The following WDFY2 variants were observed in gnomAD, a reference collection of about 807,000 sequenced individuals.
WDFY2 encodes the protein WD repeat and FYVE domain-containing protein 2.
Under a neutral mutation model 56.4 loss-of-function variants are expected in WDFY2, and 36 were observed. That is an observed-to-expected ratio of 0.64 (90% confidence interval 0.49 to 0.84). The LOEUF (loss-of-function observed/expected upper bound fraction) is 0.84, where lower values mean the gene tolerates loss of function less well. Ranked by LOEUF, WDFY2 falls within the 40% of genes least tolerant of loss-of-function variation. The probability of loss-of-function intolerance (pLI) is 0.00; values close to 1 mark genes in which losing one functional copy is unlikely to be tolerated. For synonymous variants in WDFY2, 176 were observed against 183.7 expected (o/e 0.96, Z 0.34); for missense variants, 444 against 512.2 (o/e 0.87, Z 1.29).
At chr13:51,642,676 CT>C (rs999605077) in intron 1 of WDFY2, among the ~76,000 whole-genome samples, 1,587 of 103,070 alleles carry the variant, frequency 0.015, 4 homozygotes, top group African/African-American at 0.026. Context: ...GGGCATCTGT[CT>C]TTTTTTTTTT....
chr13:51,731,958 A>C (rs1485513932), intron 6 of WDFY2, among the ~76,000 whole-genome samples: 2 of 152,224 alleles, frequency 1.3e-5, no homozygotes, highest in African/African-American at 4.8e-5. Context: ...AGGCCAAAGC[A>C]TAACATTTTT....
intron 1 of WDFY2, chr13:51,590,585 CACTAA>C (rs1438908949): frequency 2.6e-5 from 4 of 152,258 alleles, no homozygotes; most frequent in African/African-American, 7.2e-5. Context: ...ATATCTGTAA[CACTAA>C]ACTAAATTGT....
At chr13:51,674,765 T>C (rs1316357081) in intron 2 of WDFY2, among the ~76,000 whole-genome samples, 2 of 152,196 alleles carry the variant, frequency 1.3e-5, no homozygotes, top group Non-Finnish European at 2.9e-5. Flanking sequence ...TAATAAGATC[T>C]TTCTTTTGTT....
In WDFY2 at chr13:51,762,895, G is replaced by A. The variant is rs1325668816; in HGVS notation, c.*3126G>A. On this transcript the variant is annotated 3_prime_UTR_variant, in exon 12 of 12. Coordinates refer to ENST00000298125, the MANE Select transcript of WDFY2 (RefSeq NM_052950.4). ...CCACATGTTCTTGGTTCCTCCAAAC[G>A]AATGACATTACTTGACATTACTGCC... The A allele has an allele frequency of 6.6e-5, 10 of 152,184 alleles. No individual in the cohort carries two copies. In the South Asian group the frequency reaches 8.3e-4, roughly 13 times the overall value. 9.4% of individuals were successfully genotyped at this position (152,184 alleles called of 1,614,324 possible).
intron 5 of WDFY2, among the ~76,000 whole-genome samples, chr13:51,726,920 A>G (rs1314097781): frequency 1.3e-5 from 2 of 151,986 alleles, no homozygotes; most frequent in Admixed American, 1.3e-4. Flanking sequence ...TTTCCAGTTT[A>G]TCTTTTGGCT....
At chr13:51,587,732 A>G (rs1005908225) in intron 1 of WDFY2, 1 of 152,238 alleles carries the variant, frequency 6.6e-6, no homozygotes, top group Non-Finnish European at 1.5e-5. Flanking sequence ...TTGCTTAATA[A>G]AAACAAAACT....
chr13:51,633,340 T>C (rs1370998680), intron 1 of WDFY2, among the ~76,000 whole-genome samples: 3 of 152,240 alleles, frequency 2.0e-5, no homozygotes, highest in Non-Finnish European at 2.9e-5. Flanking sequence ...CTGATCGCCT[T>C]TGTGTTCCAA....
At chr13:51,668,852 GA>G (rs1272664492) in intron 2 of WDFY2, among the ~76,000 whole-genome samples, 6 of 152,150 alleles carry the variant, frequency 3.9e-5, no homozygotes, top group African/African-American at 1.4e-4. Flanking sequence ...AACCTTCAAT[GA>G]AACTTGTGTT....
chr13:51,696,504 G>A (rs113750989), intron 3 of WDFY2, among the ~76,000 whole-genome samples: 1 of 152,100 alleles, frequency 6.6e-6, no homozygotes, highest in Non-Finnish European at 1.5e-5. Context: ...AATAAAACAG[G>A]GTTGGAGAAC....
At chr13:51,629,844 T>C (rs1468700946) in intron 1 of WDFY2, among the ~76,000 whole-genome samples, 1 of 96,528 alleles carries the variant, frequency 1.0e-5, no homozygotes, top group African/African-American at 3.7e-5. Flanking sequence ...TTTTTTTTGG[T>C]TTATAGATGT....
chr13:51,710,501 T>C (rs1240182506), intron 4 of WDFY2, among the ~76,000 whole-genome samples: 7 of 152,100 alleles, frequency 4.6e-5, no homozygotes, highest in Non-Finnish European at 7.4e-5. Context: ...TCAAATTGTC[T>C]GTGTTTGCGG....
chr13:51,751,692 A>T (rs1446688236), intron 8 of WDFY2, among the ~76,000 whole-genome samples: 2 of 152,212 alleles, frequency 1.3e-5, no homozygotes, highest in Non-Finnish European at 2.9e-5. Context: ...AAAAGAAACC[A>T]TCTATTTCCT....
At chr13:51,697,941 AT>A (rs1483750514) in intron 3 of WDFY2, among the ~76,000 whole-genome samples, 1 of 152,196 alleles carries the variant, frequency 6.6e-6, no homozygotes, top group Non-Finnish European at 1.5e-5. Context: ...TTCTTAATCC[AT>A]TTTTTTAAAT....
chr13:51,720,076 A>G (rs542479645), intron 5 of WDFY2, among the ~76,000 whole-genome samples: 7 of 152,304 alleles, frequency 4.6e-5, no homozygotes, highest in Non-Finnish European at 1.0e-4. Flanking sequence ...TTTAAAAAGC[A>G]TATGGTCTTT....
chr13:51,720,152 A>C (rs1283660487), intron 5 of WDFY2, among the ~76,000 whole-genome samples: 1 of 152,244 alleles, frequency 6.6e-6, no homozygotes, highest in Non-Finnish European at 1.5e-5. Context: ...AGGAAGAAAC[A>C]GTAAGTCCTG....
chr13:51,651,392 CA>C (rs1375181242), intron 1 of WDFY2, among the ~76,000 whole-genome samples: 7 of 152,114 alleles, frequency 4.6e-5, no homozygotes, highest in African/African-American at 1.7e-4. Context: ...TTTTTTGAAG[CA>C]TTTTTTTGTG....
chr13:51,678,220 C>T (rs1463942337), intron 3 of WDFY2, among the ~76,000 whole-genome samples: 1 of 152,154 alleles, frequency 6.6e-6, no homozygotes, highest in Non-Finnish European at 1.5e-5. Flanking sequence ...TTTTGCTTTG[C>T]ACACTGTTGA....
intron 3 of WDFY2, among the ~76,000 whole-genome samples, chr13:51,701,520 CA>C (rs368134096): frequency 0.021 from 1,657 of 79,516 alleles, 21 homozygotes; most frequent in East Asian, 0.077. Context: ...GATTCCATCT[CA>C]AAAAAAAAAA....
At chr13:51,700,430 G>A (rs1013640182) in intron 3 of WDFY2, among the ~76,000 whole-genome samples, 1 of 152,176 alleles carries the variant, frequency 6.6e-6, no homozygotes, top group African/African-American at 2.4e-5. Flanking sequence ...TCCTAACAAA[G>A]TAATTGCAGC....
Sources: allele counts gnomAD v4.1 joint callset (sites outside exome capture counted in the v4.1 genomes callset), GRCh38; gene constraint gnomAD v4.1.1; transcripts MANE v1.5; gene names NCBI Gene and HGNC (gene_info 2026-07-23, HGNC 2026-07-21).